The following NRXN2 variants were observed in gnomAD, a reference collection of about 807,000 sequenced individuals.
NRXN2 encodes neurexin-2-beta.
Under a neutral mutation model 128.8 loss-of-function variants are expected in NRXN2, and 29 were observed. The observed-to-expected ratio is 0.23, with a 90% CI of 0.17 to 0.31. The LOEUF (loss-of-function observed/expected upper bound fraction) is 0.31. NRXN2 is among the 10% of genes least tolerant of loss of function. NRXN2 has a pLI of 1.00. For missense variants in NRXN2, 1,881 were observed against 2,452.6 expected (o/e 0.77, Z 4.92); for synonymous variants, 1,098 against 1,075.2 (o/e 1.02, Z -0.41).
chr11:64,668,592 C>G lies in NRXN2; in HGVS notation c.1210G>C (p.Val404Leu). ...NKLHYLVTISVDGILTTTGYT... is the reference protein window; with the variant it reads ...NKLHYLVTISLDGILTTTGYT... ...CCTGTGGTGGTCAGGATCCCGTCCA[C>G]CGAGATGGTCACCTGTCCAGCCCAG... Residue 404 changes from valine (V) to leucine (L), a missense_variant, in exon 8 of 23, where the codon GTG becomes CTG. Physicochemically the swap from Val to Leu is conservative, Grantham distance 32. This residue lies in a region of NRXN2 where 997 missense variants were observed against 1,240.8 expected (regional missense o/e 0.80). Coordinates refer to ENST00000265459, the MANE Select transcript of NRXN2 (RefSeq NM_015080.4). 1.2e-6 allele frequency: 2 copies of G among 1,613,392 alleles called. No individual in the cohort carries two copies. Among genetic ancestry groups the G allele is most frequent in the South Asian group, 2.2e-5 (2 of 91,078 alleles).
At chr11:64,643,244 G>A (rs1351605842) in intron 17 of NRXN2, 5 of 979,974 alleles carry the variant, frequency 5.1e-6, no homozygotes, top group East Asian at 1.2e-4. Flanking sequence ...GAGGAGAGAA[G>A]AGGGACGGAG....
At chr11:64,661,369 G>A in intron 9 of NRXN2, 1 of 1,432,122 alleles carries the variant, frequency 7.0e-7, no homozygotes. Flanking sequence ...CCCCAGCCCA[G>A]CTGCAGAATG....
rs502571 is a variant in NRXN2 at position 64,651,745 on chromosome 11, T to G, written c.2537-109A>C. On this transcript the variant is annotated intron_variant, in intron 13 of 22. Transcript: ENST00000265459. The surrounding 1 kb of genome is among the most constrained non-coding windows in gnomAD (Gnocchi z 5.9). ...GGAGGGCCACCCATGAGTGACATCTTTAGAGATGTCCTCGGCTAGGCACTA... is the reference window on the plus strand; with the variant it reads ...GGAGGGCCACCCATGAGTGACATCTGTAGAGATGTCCTCGGCTAGGCACTA... The G allele has an allele frequency of 0.23, 289,139 of 1,244,366 alleles. 40,352 individuals are homozygous for G. Among genetic ancestry groups the G allele is most frequent in the African/African-American group, 0.59 (39,691 of 67,504 alleles). 77.1% of individuals were successfully genotyped at this position (1,244,366 alleles called of 1,614,324 possible). A position where few individuals can be genotyped will look rare whatever the true frequency, so the allele number is the denominator to read the frequency against.
At chr11:64,681,133 A>T (rs772668911) in intron 6 of NRXN2, among the ~76,000 whole-genome samples, 84 of 151,348 alleles carry the variant, frequency 5.6e-4, no homozygotes, top group Middle Eastern at 3.2e-3. Flanking sequence ...AAAAAAAGTG[A>T]ATTGTGAATT....
At chr11:64,678,276 CCCA>C (rs2051648160) in intron 6 of NRXN2, among the ~76,000 whole-genome samples, 1 of 152,048 alleles carries the variant, frequency 6.6e-6, no homozygotes, top group Non-Finnish European at 1.5e-5. Flanking sequence ...GCTGACTCCT[CCCA>C]CGTGTCCACC....
chr11:64,664,903 T>A (rs1342983692), intron 9 of NRXN2, among the ~76,000 whole-genome samples: 2 of 150,866 alleles, frequency 1.3e-5, no homozygotes, highest in African/African-American at 4.9e-5. Context: ...GGCAGGAGAA[T>A]CGCTTGAACC....
At chr11:64,626,748 C>T (rs1342024419) in intron 19 of NRXN2, among the ~76,000 whole-genome samples, 196 bp from the exon 20 acceptor site, 1 of 152,150 alleles carries the variant, frequency 6.6e-6, no homozygotes, top group Non-Finnish European at 1.5e-5. Context: ...GCCAGCCCCA[C>T]CCTGGGGGCA....
In NRXN2 at chr11:64,713,538, G is replaced by A. The variant is rs1315160787; in HGVS notation, c.162C>T (p.Ser54=). The A allele has an allele frequency of 6.8e-7, 1 of 1,474,238 alleles. No individual in the cohort carries two copies. The highest frequency in any genetic ancestry group is 1.4e-5 in the African/African-American group (1 of 69,178). 91.3% of individuals were successfully genotyped at this position (1,474,238 alleles called of 1,614,324 possible). A position where few individuals can be genotyped will look rare whatever the true frequency, so the allele number is the denominator to read the frequency against. Residue 54 remains serine (S), a synonymous_variant, in exon 2 of 23, where the codon AGC becomes AGT. Transcript: ENST00000265459. ...WAGAASSGEL[S]FSLRTNATRA... ...GCGTGGCGTTGGTGCGCAGGCTGAA[G>A]CTGAGCTCGCCGCTGCTCGCCGCGC...
chr11:64,685,059 C>T (rs2052819350), intron 6 of NRXN2, among the ~76,000 whole-genome samples: 1 of 152,168 alleles, frequency 6.6e-6, no homozygotes, highest in African/African-American at 2.4e-5. Context: ...TGCTCTCTGT[C>T]ACCTACCTAC....
At chr11:64,701,406 C>T (rs933768347) in intron 2 of NRXN2, among the ~76,000 whole-genome samples, 2 of 152,204 alleles carry the variant, frequency 1.3e-5, no homozygotes, top group Admixed American at 6.5e-5. Flanking sequence ...AAATACTCTT[C>T]ACCTACAGCT....
At chr11:64,670,025 G>A (rs1010173856) in intron 7 of NRXN2, among the ~76,000 whole-genome samples, 1 of 152,114 alleles carries the variant, frequency 6.6e-6, no homozygotes, top group Non-Finnish European at 1.5e-5. Flanking sequence ...CCATGGTCTC[G>A]GTGGGTGAGG....
intron 2 of NRXN2, 70 bp from the exon 3 acceptor site, chr11:64,697,862 A>C: frequency 6.3e-7 from 1 of 1,584,450 alleles, no homozygotes; most frequent in Non-Finnish European, 8.7e-7. Flanking sequence ...TAGCAAAGGT[A>C]CCACGGACAG....
rs1231351349 is a variant in NRXN2, at chr11:64,631,216, T to G, written c.3586-643A>C. 7.3e-6 allele frequency among the ~76,000 whole-genome samples: 1 copy of G among 137,266 alleles called. No homozygotes were observed. The highest frequency in any genetic ancestry group is 2.8e-5 in the African/African-American group (1 of 35,988). The allele number at this position is 137,266 out of a possible 152,430, so 90.1% of individuals were successfully genotyped here. ...AGGTGGGGGGTGTGGACTGTGTGTA[T>G]GGTGGGATGGACACCAGAAGAGCTG... On this transcript the variant is annotated intron_variant, in intron 18 of 22. Transcript: ENST00000265459. This position sits in a 1 kb window ranked among gnomAD's most constrained non-coding sequence, Gnocchi z 4.8.
At position 64,606,764 on chromosome 11, in the gene NRXN2, T is replaced by G; in HGVS notation, c.*432A>C. 5.7e-6 allele frequency: 1 copy of G among 174,128 alleles called. No homozygotes were observed. Among genetic ancestry groups the G allele is most frequent in the Non-Finnish European group, 1.2e-5 (1 of 80,800 alleles). 10.8% of individuals were successfully genotyped at this position (174,128 alleles called of 1,614,324 possible). ...AGACACAGCAAGCCTGGGATGGGGATTGGAGGGCTTGGGAAGAGAAGGAAG... is the reference window on the plus strand; with the variant it reads ...AGACACAGCAAGCCTGGGATGGGGAGTGGAGGGCTTGGGAAGAGAAGGAAG... On this transcript the variant is annotated 3_prime_UTR_variant, in exon 23 of 23. Transcript: ENST00000265459.
chr11:64,608,966 G>C (rs1158461034), intron 22 of NRXN2, among the ~76,000 whole-genome samples: 1 of 152,122 alleles, frequency 6.6e-6, no homozygotes, highest in African/African-American at 2.4e-5. Flanking sequence ...GGCCACGGGA[G>C]GGGGCTTGGA....
At chr11:64,649,215 C>T (rs939438640) in intron 15 of NRXN2, among the ~76,000 whole-genome samples, 1 of 152,186 alleles carries the variant, frequency 6.6e-6, no homozygotes, top group Admixed American at 6.5e-5. Flanking sequence ...AGTTCCGGCC[C>T]GTAATCAGGG....
intron 22 of NRXN2, among the ~76,000 whole-genome samples, chr11:64,619,629 C>T (rs549425525): frequency 1.3e-5 from 2 of 152,170 alleles, no homozygotes; most frequent in African/African-American, 2.4e-5. Context: ...GCAGCTCCCC[C>T]ACTAGAATCT....
intron 1 of NRXN2, among the ~76,000 whole-genome samples, chr11:64,721,782 C>A (rs563734436): frequency 1.3e-5 from 2 of 152,238 alleles, no homozygotes; most frequent in East Asian, 3.9e-4. Flanking sequence ...AGGAGAGACG[C>A]CCACCCGCCA....
chr11:64,682,335 G>C (rs931835234), intron 6 of NRXN2, among the ~76,000 whole-genome samples: 53 of 151,298 alleles, frequency 3.5e-4, no homozygotes, highest in African/African-American at 1.1e-3. Context: ...TGCATCTTTA[G>C]GGGACTCCAT....
Sources: allele counts gnomAD v4.1 joint callset (sites outside exome capture counted in the v4.1 genomes callset), GRCh38; gene constraint gnomAD v4.1.1; regional missense constraint gnomAD v4.1.1; non-coding constraint Gnocchi (gnomAD v3.1); transcripts MANE v1.5; gene names NCBI Gene and HGNC (gene_info 2026-07-23, HGNC 2026-07-21).